GRIP1: variants seen among roughly 807,000 people sequenced by gnomAD.
GRIP1 encodes glutamate receptor interacting protein 1.
In GRIP1, 45 loss-of-function variants were observed where a neutral mutation model predicts 129.9. The ratio of observed to expected loss-of-function variants is 0.35; its 90% CI spans 0.27 to 0.44. GRIP1 has a LOEUF of 0.44. GRIP1 is among the 20% of genes least tolerant of loss of function. The pLI is 1.00. For missense variants in GRIP1, 1,196 were observed against 1,396.8 expected (o/e 0.86, Z 2.29); for synonymous variants, 530 against 520.8 (o/e 1.02, Z -0.24).
intron 1 of GRIP1, among the ~76,000 whole-genome samples, chr12:66,795,462 A>G (rs1592853039): frequency 6.6e-6 from 1 of 152,214 alleles, no homozygotes; most frequent in East Asian, 1.9e-4. Flanking sequence ...CTGTTCTGAA[A>G]CTACACATAA....
At chr12:66,956,964 C>T (rs893025587) in intron 1 of GRIP1, among the ~76,000 whole-genome samples, 1 of 152,152 alleles carries the variant, frequency 6.6e-6, no homozygotes, top group African/African-American at 2.4e-5. Context: ...CTCTAGCCTT[C>T]CTCTGTTGCT....
chr12:66,487,286 G>A (rs1014984322), intron 7 of GRIP1, among the ~76,000 whole-genome samples: 1 of 152,070 alleles, frequency 6.6e-6, no homozygotes, highest in Non-Finnish European at 1.5e-5. Context: ...AACTCTCAGT[G>A]GAAACCCTAC....
At chr12:66,948,832 G>GA (rs1268530110) in intron 1 of GRIP1, among the ~76,000 whole-genome samples, 2 of 147,508 alleles carry the variant, frequency 1.4e-5, no homozygotes, top group African/African-American at 5.0e-5. Flanking sequence ...TCCTACCACA[G>GA]AAAAATGAAG....
At chr12:66,373,032 A>G (rs2055598070) in intron 22 of GRIP1, among the ~76,000 whole-genome samples, 1 of 152,198 alleles carries the variant, frequency 6.6e-6, no homozygotes, top group South Asian at 2.1e-4. Context: ...CACTCATTTA[A>G]GCCTCACAAC....
intron 1 of GRIP1, among the ~76,000 whole-genome samples, chr12:67,062,816 A>G (rs2043557921): frequency 6.6e-6 from 1 of 152,208 alleles, no homozygotes; most frequent in South Asian, 2.1e-4. Flanking sequence ...CTGGGCTAGA[A>G]TACATCAAAG....
intron 1 of GRIP1, among the ~76,000 whole-genome samples, chr12:66,716,978 A>G (rs1223233779): frequency 6.6e-6 from 1 of 152,064 alleles, no homozygotes; most frequent in Non-Finnish European, 1.5e-5. Context: ...GAAATCAATA[A>G]AATTGCTGAG....
intron 1 of GRIP1, among the ~76,000 whole-genome samples, chr12:66,829,094 C>T (rs2039470244): frequency 1.3e-5 from 2 of 152,110 alleles, no homozygotes; most frequent in African/African-American, 4.8e-5. Flanking sequence ...GTGACTATTA[C>T]CATATATGGC....
At chr12:66,916,734 A>G (rs906355397) in intron 1 of GRIP1, among the ~76,000 whole-genome samples, 1 of 152,254 alleles carries the variant, frequency 6.6e-6, no homozygotes, top group Non-Finnish European at 1.5e-5. Context: ...TAAGAAAAAA[A>G]CAGCCAAGAA....
chr12:66,585,881 T>C (rs2063612582), intron 2 of GRIP1, among the ~76,000 whole-genome samples: 1 of 152,134 alleles, frequency 6.6e-6, no homozygotes, highest in African/African-American at 2.4e-5. Flanking sequence ...TCATGTGTTT[T>C]TTGGCTGCAT....
At chr12:66,823,286 TG>T (rs1351089849) in intron 1 of GRIP1, among the ~76,000 whole-genome samples, 1 of 152,198 alleles carries the variant, frequency 6.6e-6, no homozygotes. Flanking sequence ...TGTAAAGAAC[TG>T]TTTTTTTATA....
intron 14 of GRIP1, among the ~76,000 whole-genome samples, chr12:66,431,362 G>C (rs1354391377): frequency 1.3e-5 from 2 of 152,212 alleles, no homozygotes; most frequent in East Asian, 3.9e-4. Context: ...GGTTTGGGGG[G>C]ATCTAGGCTC....
chr12:66,903,238 C>T (rs568947907), intron 1 of GRIP1, among the ~76,000 whole-genome samples: 16 of 151,316 alleles, frequency 1.1e-4, no homozygotes, highest in Admixed American at 9.2e-4. Context: ...TTTGACAATT[C>T]TAGTTGTTTT....
intron 1 of GRIP1, among the ~76,000 whole-genome samples, chr12:66,899,407 A>T (rs1190459115): frequency 2.0e-5 from 3 of 152,002 alleles, no homozygotes. Context: ...TCTGTCACCC[A>T]GGCAGGAATG....
intron 1 of GRIP1, among the ~76,000 whole-genome samples, chr12:66,914,711 T>G (rs2137328509): frequency 6.6e-6 from 1 of 152,186 alleles, no homozygotes; most frequent in Non-Finnish European, 1.5e-5. Flanking sequence ...TGGTTCAGAG[T>G]ACATAAAGTT....
chr12:67,063,648 T>C (rs1046856489), intron 1 of GRIP1, among the ~76,000 whole-genome samples: 8 of 152,224 alleles, frequency 5.3e-5, no homozygotes, highest in Non-Finnish European at 1.0e-4. Context: ...TATAATTTAA[T>C]TGAAAATAAA....
intron 1 of GRIP1, among the ~76,000 whole-genome samples, chr12:66,789,733 C>T (rs543964587): frequency 1.4e-4 from 21 of 152,206 alleles, no homozygotes; most frequent in African/African-American, 4.6e-4. Flanking sequence ...CGAATTACTT[C>T]TCCCTTGAAT....
chr12:67,056,758 T>C (rs563210180), intron 1 of GRIP1, among the ~76,000 whole-genome samples: 2 of 152,302 alleles, frequency 1.3e-5, no homozygotes, highest in Admixed American at 6.5e-5. Context: ...GCATTACATA[T>C]GCCACTGAAT....
At chr12:66,830,324 C>A (rs1054707943) in intron 1 of GRIP1, among the ~76,000 whole-genome samples, 2 of 152,060 alleles carry the variant, frequency 1.3e-5, no homozygotes, top group Non-Finnish European at 2.9e-5. Context: ...CCTGGATTAC[C>A]TAGATGGGCC....
In GRIP1 at chr12:66,792,126, C is replaced by T. The variant is rs113880546; in HGVS notation, c.-420+11927G>A. Among the ~76,000 whole-genome samples, 636 of 152,270 alleles carry T rather than the reference C, an allele frequency of 4.2e-3. 5 individuals carry two copies. Among genetic ancestry groups the T allele is most frequent in the African/African-American group, 0.015 (603 of 41,570 alleles). On this transcript the variant is annotated intron_variant, in intron 1 of 4. Transcript: ENST00000538373. The stretch of plus-strand genomic sequence containing the variant: ...TGATAAATGTAAGAGCTACCAAATA[C>T]GCTTAACAAAGCAAAAGAACTGATT...
Sources: gnomAD v4.1 joint callset for allele counts (sites outside exome capture counted in the v4.1 genomes callset) on GRCh38, gnomAD v4.1.1 for gene constraint, MANE v1.5 for transcripts, NCBI Gene and HGNC (gene_info 2026-07-23, HGNC 2026-07-21) for gene names.